The following USP7 variants were observed in gnomAD, a reference collection of about 807,000 sequenced individuals.
USP7 encodes the protein ubiquitin C-terminal hydrolase 7.
In USP7, 9 loss-of-function variants were observed where a neutral mutation model predicts 162.9. That is an observed-to-expected ratio of 0.06 (90% confidence interval 0.03 to 0.10). USP7 has a LOEUF of 0.10. USP7 is among the 10% of genes least tolerant of loss of function. USP7 has a pLI of 1.00. For synonymous variants in USP7, 562 were observed against 475.9 expected, an observed-to-expected ratio of 1.18 and a Z score of -2.35; for missense variants, 715 against 1,373.7, an observed-to-expected ratio of 0.52 and a Z score of 7.58.
chr16:8,898,269 G>A, intron 25 of USP7, 91 bp downstream of exon 25: 5 of 1,086,022 alleles, frequency 4.6e-6, no homozygotes, highest in Non-Finnish European at 6.7e-6. Flanking sequence ...GTGTTTTTCT[G>A]TGGTGTCTTA....
At chr16:8,933,620 A>T (rs566791485) in intron 1 of USP7, among the ~76,000 whole-genome samples, 14 of 151,492 alleles carry the variant, frequency 9.2e-5, no homozygotes. Flanking sequence ...ATGCGCTATC[A>T]TTTTTTTTTC....
chr16:8,961,846 T>C (rs1900028535), intron 1 of USP7, among the ~76,000 whole-genome samples: 2 of 152,208 alleles, frequency 1.3e-5, no homozygotes, highest in African/African-American at 4.8e-5. Flanking sequence ...GCGCTCTTAG[T>C]TGCTGCTTTG....
intron 1 of USP7, among the ~76,000 whole-genome samples, chr16:8,932,911 T>C (rs1003982762): frequency 6.6e-6 from 1 of 151,938 alleles, no homozygotes; most frequent in Non-Finnish European, 1.5e-5. Flanking sequence ...AAAAAACCAA[T>C]GAAGGCCTAT....
chr16:8,955,394 G>C (rs967809556), intron 1 of USP7, among the ~76,000 whole-genome samples: 3 of 149,598 alleles, frequency 2.0e-5, no homozygotes, highest in African/African-American at 7.3e-5. Context: ...ACAGGCATAA[G>C]CCACCATGCC....
chr16:8,895,271 C>A lies in USP7; in HGVS notation c.2920-121G>T, dbSNP rs1419876011. The A allele has an allele frequency of 4.1e-6, 6 of 1,470,858 alleles. No individual in the cohort carries two copies. The African/African-American group carries it at 7.0e-5, about 17-fold the overall frequency. The allele number at this position is 1,470,858 out of a possible 1,614,324, so 91.1% of individuals were successfully genotyped here. ...AAAGCCTATTTTTGCTAAAAAAACGCCACACCTGGATCCAGCCAGAGTGAT... is the reference window on the plus strand; with the variant it reads ...AAAGCCTATTTTTGCTAAAAAAACGACACACCTGGATCCAGCCAGAGTGAT... On this transcript the variant is annotated intron_variant, in intron 27 of 30. Coordinates refer to ENST00000344836, the MANE Select transcript of USP7 (RefSeq NM_003470.3).
intron 7 of USP7, among the ~76,000 whole-genome samples, 187 bp from the exon 8 acceptor site, chr16:8,916,743 G>T (rs1897391105): frequency 6.6e-6 from 1 of 152,156 alleles, no homozygotes; most frequent in Non-Finnish European, 1.5e-5. Flanking sequence ...GTGTTTCCAA[G>T]AAAATGTAAT....
chr16:8,894,038 C>T lies in USP7; in HGVS notation c.3269G>A (p.Arg1090His). 1 of 1,614,188 alleles carries T rather than the reference C, an allele frequency of 6.2e-7. No homozygotes were observed. The highest frequency in any genetic ancestry group is 1.1e-5 in the South Asian group (1 of 91,082). ...DHFNKAPKRS[R>H]YTYLEKAIKI... ...AATGGCCTTTTCAAGGTAAGTGTAG[C>T]GACTCCTCTTTGGGGCTTTGTTGAA... is the stretch of plus-strand genomic sequence containing the variant. Residue 1090 changes from arginine to histidine, a missense_variant, in exon 31 of 31, where the codon CGC becomes CAC. Arg to His is a conservative substitution (Grantham distance 29). Transcript: ENST00000344836.
chr16:8,913,256 T>G (rs898229643), intron 10 of USP7, among the ~76,000 whole-genome samples: 5 of 152,082 alleles, frequency 3.3e-5, no homozygotes, highest in African/African-American at 1.2e-4. Flanking sequence ...CTTGTGAGCC[T>G]AAGGCAGGAG....
At chr16:8,927,036 C>T (rs1194708588) in intron 2 of USP7, among the ~76,000 whole-genome samples, 3 of 152,086 alleles carry the variant, frequency 2.0e-5, no homozygotes, top group South Asian at 2.1e-4. Flanking sequence ...AAAGGTAGGC[C>T]GGGCGCAGTG....
intron 26 of USP7, among the ~76,000 whole-genome samples, chr16:8,896,755 A>G (rs1289841502): frequency 6.6e-6 from 1 of 152,172 alleles, no homozygotes; most frequent in Non-Finnish European, 1.5e-5. Flanking sequence ...TAATTGTGAA[A>G]CACGCATAAC....
chr16:8,920,455 A>C lies in USP7; in HGVS notation c.523-8T>G. The C allele has an allele frequency of 1.2e-6, 2 of 1,604,944 alleles. No individual in the cohort carries two copies. Among genetic ancestry groups the C allele is most frequent in the Non-Finnish European group, 1.7e-6 (2 of 1,176,218 alleles). On this transcript the variant is annotated splice_region_variant and splice_polypyrimidine_tract_variant and intron_variant, in intron 4 of 30. Coordinates refer to ENST00000344836, the MANE Select transcript of USP7 (RefSeq NM_003470.3). ...CTCAGGATCGGTCACTTCCTATAAAACATAAATAAGAATATCCAGCTTGAA... is the reference window on the plus strand; with the variant it reads ...CTCAGGATCGGTCACTTCCTATAAACCATAAATAAGAATATCCAGCTTGAA...
chr16:8,959,745 T>C (rs111813044), intron 1 of USP7, among the ~76,000 whole-genome samples: 1 of 152,290 alleles, frequency 6.6e-6, no homozygotes, highest in Non-Finnish European at 1.5e-5. Context: ...TCAAGAGAAC[T>C]CACATTCTAC....
intron 6 of USP7, 53 bp from the exon 7 acceptor site, chr16:8,917,209 TAAAA>T (rs1897418087): frequency 6.5e-7 from 1 of 1,537,468 alleles, no homozygotes; most frequent in Non-Finnish European, 8.7e-7. Context: ...CAGGGGAATT[TAAAA>T]AACAGTAAGA....
chr16:8,893,343 C>T lies in USP7; in HGVS notation c.*655G>A, dbSNP rs942801540. The T allele has an allele frequency of 6.6e-6, 1 of 152,190 alleles. No homozygotes were observed. The highest frequency in any genetic ancestry group is 1.5e-5 in the Non-Finnish European group (1 of 68,070). The allele number at this position is 152,190 out of a possible 1,614,324, so 9.4% of individuals were successfully genotyped here. A position where few individuals can be genotyped will look rare whatever the true frequency, so the allele number is the denominator to read the frequency against. On this transcript the variant is annotated 3_prime_UTR_variant, in exon 31 of 31. Coordinates refer to ENST00000344836, the MANE Select transcript of USP7 (RefSeq NM_003470.3). ...ATGTTCTTGATTTAATAAAAAGACC[C>T]CCACAATGTCTGTCCGGACTGTATT...
At chr16:8,908,630 C>T (rs1375843822) in intron 11 of USP7, among the ~76,000 whole-genome samples, 180 bp from the exon 12 acceptor site, 3 of 152,198 alleles carry the variant, frequency 2.0e-5, no homozygotes, top group East Asian at 3.9e-4. Context: ...GTTTATGGGT[C>T]TCTTTGTTTA....
At chr16:8,911,459 G>A (rs1331778191) in intron 10 of USP7, among the ~76,000 whole-genome samples, 2 of 152,182 alleles carry the variant, frequency 1.3e-5, no homozygotes, top group African/African-American at 4.8e-5. Context: ...AATCCAACAC[G>A]GAATTGTATA....
chr16:8,930,429 T>G, intron 1 of USP7, 32 bp from the exon 2 acceptor site: 4 of 1,544,364 alleles, frequency 2.6e-6, no homozygotes, highest in Non-Finnish European at 3.5e-6. Flanking sequence ...TCCACGGGTT[T>G]TACATTCATG....
At chr16:8,937,926 G>A (rs181777610) in intron 1 of USP7, among the ~76,000 whole-genome samples, 36 of 152,252 alleles carry the variant, frequency 2.4e-4, no homozygotes, top group African/African-American at 7.2e-4. Context: ...TACTGACCAC[G>A]TGAGAAGGAA....
chr16:8,916,362 G>A, intron 8 of USP7, 140 bp downstream of exon 8: 2 of 819,142 alleles, frequency 2.4e-6, no homozygotes, highest in Non-Finnish European at 3.7e-6. Context: ...GACATCTGCT[G>A]CCTTTTTGTA....
Sources: gnomAD v4.1 joint callset for allele counts (sites outside exome capture counted in the v4.1 genomes callset) on GRCh38, gnomAD v4.1.1 for gene constraint, MANE v1.5 for transcripts, NCBI Gene and HGNC (gene_info 2026-07-23, HGNC 2026-07-21) for gene names.